Variants in ADAMTSL3 observed in about 807,000 individuals in gnomAD.
The protein encoded by ADAMTSL3 is ADAMTS-like protein 3.
A neutral mutation model predicts 201.7 loss-of-function variants in ADAMTSL3; 128 were observed. The observed-to-expected ratio is 0.63, with a 90% CI of 0.55 to 0.73. The LOEUF (loss-of-function observed/expected upper bound fraction) is 0.73. Among genes scored for constraint, ADAMTSL3 ranks in the 30% least tolerant of loss-of-function variants. The pLI is 0.00. For synonymous variants in ADAMTSL3, 738 were observed against 748.4 expected (o/e 0.99, Z 0.23); for missense variants, 1,990 against 2,119.6 (o/e 0.94, Z 1.20).
intron 3 of ADAMTSL3, among the ~76,000 whole-genome samples, chr15:83,720,281 A>G (rs903194800): frequency 6.6e-6 from 1 of 152,170 alleles, no homozygotes; most frequent in African/African-American, 2.4e-5. Context: ...ACTACATTGC[A>G]TACCTAAAAT....
chr15:83,660,470 T>A (rs1567055879), intron 2 of ADAMTSL3, among the ~76,000 whole-genome samples: 1 of 152,314 alleles, frequency 6.6e-6, no homozygotes, highest in African/African-American at 2.4e-5. Context: ...AGCCTAGATT[T>A]GGTTGGGTTT....
intron 19 of ADAMTSL3, among the ~76,000 whole-genome samples, chr15:83,968,710 A>G (rs1352570308): frequency 6.6e-6 from 1 of 152,226 alleles, no homozygotes; most frequent in African/African-American, 2.4e-5. Flanking sequence ...ACATGCACAC[A>G]TATGTTTATT....
intron 20 of ADAMTSL3, among the ~76,000 whole-genome samples, chr15:83,980,942 T>C (rs1165252040): frequency 6.6e-6 from 1 of 152,224 alleles, no homozygotes; most frequent in Non-Finnish European, 1.5e-5. Context: ...GAAGTCTCAA[T>C]CTGCTTCTTC....
At chr15:83,848,258 T>G (rs1215768524) in intron 7 of ADAMTSL3, among the ~76,000 whole-genome samples, 1 of 152,224 alleles carries the variant, frequency 6.6e-6, no homozygotes, top group African/African-American at 2.4e-5. Context: ...ATCCTTTTCC[T>G]TGTTTTACCT....
At chr15:83,707,525 C>T (rs755479556) in intron 3 of ADAMTSL3, among the ~76,000 whole-genome samples, 24 of 152,202 alleles carry the variant, frequency 1.6e-4, no homozygotes, top group South Asian at 1.0e-3. Context: ...ATTTTTACAC[C>T]TGTGTAGTTG....
chr15:83,808,915 CA>C (rs548968833), intron 5 of ADAMTSL3, among the ~76,000 whole-genome samples: 2,938 of 96,768 alleles, frequency 0.03, 67 homozygotes, highest in South Asian at 0.083. Context: ...ACGTGGAATC[CA>C]AAAAAAAAAA....
chr15:83,890,526 T>C (rs1005389584), intron 11 of ADAMTSL3, among the ~76,000 whole-genome samples: 8 of 152,214 alleles, frequency 5.3e-5, no homozygotes, highest in African/African-American at 1.9e-4. Context: ...AAGTAAAATG[T>C]CTAGTCCATC....
chr15:83,850,334 A>G (rs1331763385), intron 7 of ADAMTSL3, among the ~76,000 whole-genome samples: 2 of 151,832 alleles, frequency 1.3e-5, no homozygotes, highest in Non-Finnish European at 2.9e-5. Flanking sequence ...TCTCTTTCCT[A>G]TCAGGGTTAA....
chr15:83,742,753 A>G (rs1196564625), intron 3 of ADAMTSL3, among the ~76,000 whole-genome samples: 3 of 152,178 alleles, frequency 2.0e-5, no homozygotes, highest in Non-Finnish European at 4.4e-5. Flanking sequence ...AGAAATTTTG[A>G]CTGGCTGTGT....
intron 6 of ADAMTSL3, among the ~76,000 whole-genome samples, chr15:83,823,923 T>A (rs200084640): frequency 9.4e-6 from 1 of 105,972 alleles, no homozygotes. Context: ...CTTCTTCTTC[T>A]TCTTCTTCTT....
At chr15:83,878,623 A>C (rs1420157489) in intron 9 of ADAMTSL3, among the ~76,000 whole-genome samples, 3 of 152,156 alleles carry the variant, frequency 2.0e-5, no homozygotes, top group African/African-American at 7.2e-5. Context: ...CAAAAAAAAA[A>C]AATAGAATTC....
At chr15:83,818,874 C>T (rs536541894) in intron 5 of ADAMTSL3, among the ~76,000 whole-genome samples, 1 of 152,276 alleles carries the variant, frequency 6.6e-6, no homozygotes, top group East Asian at 1.9e-4. Flanking sequence ...AGAATTTGAA[C>T]AAGCTATGTT....
At chr15:83,929,857 A>G (rs1429956054) in intron 17 of ADAMTSL3, among the ~76,000 whole-genome samples, 1 of 151,914 alleles carries the variant, frequency 6.6e-6, no homozygotes, top group Non-Finnish European at 1.5e-5. Context: ...ATGCACCATG[A>G]CCCACACTCC....
chr15:83,873,619 C>T lies in ADAMTSL3; in HGVS notation c.960+2660C>T, dbSNP rs532039366. On this transcript the variant is annotated intron_variant, in intron 9 of 29. Transcript: ENST00000286744. ...GCCTTGAACTCCTGGGCTCAAGCAA[C>T]GCTCCTGCCTCAGCCTCCTAAAGAG... Among the ~76,000 whole-genome samples the T allele has an allele frequency of 8.3e-5, 12 of 145,084 alleles. 2 individuals are homozygous for T. The highest frequency in any genetic ancestry group is 3.0e-5 in the Non-Finnish European group (2 of 66,646).
At chr15:83,784,025 G>A (rs2063220443) in intron 4 of ADAMTSL3, among the ~76,000 whole-genome samples, 1 of 152,002 alleles carries the variant, frequency 6.6e-6, no homozygotes, top group African/African-American at 2.4e-5. Flanking sequence ...GTTATTATGG[G>A]GACTGAATAG....
At chr15:83,717,006 A>G (rs556338486) in intron 3 of ADAMTSL3, among the ~76,000 whole-genome samples, 2 of 152,340 alleles carry the variant, frequency 1.3e-5, no homozygotes, top group East Asian at 3.9e-4. Context: ...TAAGACATAT[A>G]TTTATCAAAT....
intron 23 of ADAMTSL3, among the ~76,000 whole-genome samples, chr15:83,994,531 G>A (rs1430377482): frequency 6.7e-6 from 1 of 148,854 alleles, no homozygotes; most frequent in Non-Finnish European, 1.5e-5. Flanking sequence ...ATCACAGGTT[G>A]AATCCTCTCT....
intron 7 of ADAMTSL3, among the ~76,000 whole-genome samples, chr15:83,849,296 T>G (rs1048745452): frequency 2.6e-5 from 4 of 152,100 alleles, no homozygotes; most frequent in Non-Finnish European, 5.9e-5. Context: ...CTGGCTAATT[T>G]TTAAATTTTT....
chr15:83,679,640 G>C (rs1346126561), intron 2 of ADAMTSL3, among the ~76,000 whole-genome samples: 1 of 152,086 alleles, frequency 6.6e-6, no homozygotes, highest in African/African-American at 2.4e-5. Context: ...CAAACCTTTT[G>C]TATTGTTAAT....
Sources: allele counts gnomAD v4.1 joint callset (sites outside exome capture counted in the v4.1 genomes callset), GRCh38; gene constraint gnomAD v4.1.1; transcripts MANE v1.5; gene names NCBI Gene and HGNC (gene_info 2026-07-23, HGNC 2026-07-21).